Variants in ASAH2 observed in about 807,000 individuals in gnomAD.
ASAH2 encodes the protein neutral ceramidase.
A neutral mutation model predicts 82.9 loss-of-function variants in ASAH2; 58 were observed. The observed-to-expected ratio is 0.70, with a 90% CI of 0.57 to 0.87. The LOEUF (loss-of-function observed/expected upper bound fraction) is 0.87, where lower values mean the gene tolerates loss of function less well. Ranked by LOEUF, ASAH2 falls within the 40% of genes least tolerant of loss-of-function variation. The pLI is 0.00. For synonymous variants in ASAH2, 276 were observed against 289.7 expected (o/e 0.95, Z 0.48); for missense variants, 779 against 834.0 (o/e 0.93, Z 0.81).
intron 12 of ASAH2, among the ~76,000 whole-genome samples, chr10:50,208,735 C>T (rs1845376533): frequency 6.6e-6 from 1 of 151,988 alleles, no homozygotes; most frequent in Non-Finnish European, 1.5e-5. Context: ...GCAATACTCC[C>T]CCAAATTAAT....
chr10:50,244,684 A>G (rs941003498), intron 3 of ASAH2, among the ~76,000 whole-genome samples: 2 of 152,226 alleles, frequency 1.3e-5, no homozygotes, highest in Non-Finnish European at 2.9e-5. Flanking sequence ...AGTTTTAGCT[A>G]GAGTTGCCTT....
At chr10:50,231,749 T>C (rs1402957874) in intron 7 of ASAH2, among the ~76,000 whole-genome samples, 1 of 152,192 alleles carries the variant, frequency 6.6e-6, no homozygotes, top group Non-Finnish European at 1.5e-5. Flanking sequence ...AGGGAGTTTT[T>C]AGTGACTTCA....
intron 8 of ASAH2, 130 bp downstream of exon 8, chr10:50,218,380 T>C (rs1845663875): frequency 1.5e-6 from 2 of 1,312,754 alleles, no homozygotes; most frequent in African/African-American, 2.9e-5. Context: ...TGCTGTCTAT[T>C]CAAGCATACC....
chr10:50,185,359 G>A lies in ASAH2; in HGVS notation c.*1956C>T, dbSNP rs1372490618. 6.0e-5 allele frequency: 8 copies of A among 132,344 alleles called. No homozygotes were observed. Among genetic ancestry groups the A allele is most frequent in the Non-Finnish European group, 9.6e-5 (6 of 62,218 alleles). The allele number at this position is 132,344 out of a possible 1,614,324, so 8.2% of individuals were successfully genotyped here. On this transcript the variant is annotated 3_prime_UTR_variant, in exon 21 of 21. Transcript: ENST00000682911. Reference sequence around the variant, plus strand: ...CTGGTGAGAAAATAGGTTTCTGTGCGTTATCTGGAGCCAAGAGTGCTAGGT... The same window carrying A: ...CTGGTGAGAAAATAGGTTTCTGTGCATTATCTGGAGCCAAGAGTGCTAGGT...
chr10:50,217,272 G>T (rs1213754294), intron 8 of ASAH2, among the ~76,000 whole-genome samples: 4 of 142,608 alleles, frequency 2.8e-5, no homozygotes, highest in African/African-American at 1.0e-4. Flanking sequence ...CTGTCCCCCA[G>T]GCTGGAGTGC....
rs943927456 is a variant in ASAH2, at chr10:50,204,931, G to C, written c.1555C>G (p.Pro519Ala). ...ATAATCTGAACATCAACAATGTCTG[G>C]ATGCCAGGGGTGAGGTTTTGATAGC... ...GELSKPHPWHPDIVDVQIITL... is the reference protein window; with the variant it reads ...GELSKPHPWHADIVDVQIITL... The change falls in exon 14 of 21, where the codon CCA becomes GCA. Residue 519 changes from proline (P) to alanine (A), a missense_variant. Pro to Ala is a conservative substitution (Grantham distance 27). Coordinates refer to ENST00000682911, the MANE Select transcript of ASAH2 (RefSeq NM_019893.4). The C allele has an allele frequency of 6.2e-7, 1 of 1,610,916 alleles. No individual in the cohort carries two copies. Among genetic ancestry groups the C allele is most frequent in the Non-Finnish European group, 8.5e-7 (1 of 1,178,522 alleles).
chr10:50,243,666 AAC>A (rs1846368418), intron 3 of ASAH2, among the ~76,000 whole-genome samples: 1 of 152,190 alleles, frequency 6.6e-6, no homozygotes, highest in African/African-American at 2.4e-5. Context: ...TTCTGTTACT[AAC>A]ACTAACACGA....
intron 4 of ASAH2, chr10:50,240,502 T>C (rs1846266582): frequency 1.4e-6 from 1 of 702,236 alleles, no homozygotes; most frequent in Non-Finnish European, 2.6e-6. Flanking sequence ...TAAAACAAAA[T>C]GGTGTTTACA....
intron 7 of ASAH2, among the ~76,000 whole-genome samples, chr10:50,219,008 C>T (rs71498258): frequency 0.067 from 10,127 of 152,248 alleles, 400 homozygotes; most frequent in Middle Eastern, 0.13. Context: ...CTAAGGGTTA[C>T]CTGTATGCTA....
At position 50,221,997 on chromosome 10, in the gene ASAH2, C is replaced by T. The variant is rs1435512749; in HGVS notation, c.894-3367G>A. ...CGAGTACTCCTAGCAGAGGAAATAA[C>T]ATCTGCAAAGGCATGGAGATATGAA... On this transcript the variant is annotated intron_variant, in intron 7 of 20. Transcript: ENST00000682911. Among the ~76,000 whole-genome samples, 12 of 152,256 alleles carry T rather than the reference C, an allele frequency of 7.9e-5. No homozygotes were observed. In the East Asian group the frequency reaches 1.5e-3, roughly 20 times the overall value.
intron 9 of ASAH2, among the ~76,000 whole-genome samples, chr10:50,213,442 C>T (rs897157197): frequency 6.6e-6 from 1 of 151,874 alleles, no homozygotes; most frequent in Non-Finnish European, 1.5e-5. Context: ...AACTGAAACT[C>T]GATTAAAATT....
chr10:50,221,627 T>TTG (rs1364076496), intron 7 of ASAH2, among the ~76,000 whole-genome samples: 94,327 of 144,552 alleles, frequency 0.65, 34,066 homozygotes, highest in Non-Finnish European at 0.82. Flanking sequence ...TGAATTCAGG[T>TTG]TGTATGTGTG....
chr10:50,236,000 C>A lies in ASAH2; in HGVS notation c.575G>T (p.Gly192Val). 9 of 1,612,620 alleles carry A rather than the reference C, an allele frequency of 5.6e-6. No individual in the cohort carries two copies. Among genetic ancestry groups the A allele is most frequent in the Non-Finnish European group, 7.6e-6 (9 of 1,178,856 alleles). ...LYRRDNVILS[G>V]THTHSGPAGY... ...TGCAGGACCTGAATGAGTGTGAGTG[C>A]CACTCAGGATGACATTATCTCTTCT... The change falls in exon 5 of 21, where the codon GGC becomes GTC. Residue 192 changes from glycine (G) to valine (V), a missense_variant. Around this residue, in one of 3 missense-constraint regions of ASAH2, gnomAD observed 759 missense variants for 755.2 expected, o/e 1.00. Transcript: ENST00000682911.
At chr10:50,240,184 T>C (rs1182422022) in intron 4 of ASAH2, among the ~76,000 whole-genome samples, 1 of 152,092 alleles carries the variant, frequency 6.6e-6, no homozygotes, top group African/African-American at 2.4e-5. Context: ...ATCACATTGG[T>C]TTAAGATCTT....
At chr10:50,213,434 C>T (rs879157685) in intron 9 of ASAH2, among the ~76,000 whole-genome samples, 114,727 of 151,912 alleles carry the variant, frequency 0.76, 45,566 homozygotes, top group Non-Finnish European at 0.88. Flanking sequence ...TCACCTTAAA[C>T]TGAAACTCGA....
At chr10:50,233,308 A>C in intron 6 of ASAH2, 47 bp from the exon 7 acceptor site, 1 of 1,369,598 alleles carries the variant, frequency 7.3e-7, no homozygotes, top group Non-Finnish European at 1.0e-6. Context: ...GTTAGAGCCT[A>C]ACCCTCATGT....
At chr10:50,207,106 A>T (rs1355834597) in intron 12 of ASAH2, among the ~76,000 whole-genome samples, 4 of 151,960 alleles carry the variant, frequency 2.6e-5, no homozygotes, top group African/African-American at 9.7e-5. Context: ...TCAAAGGAAA[A>T]TCTGGAAATA....
At chr10:50,210,200 A>C (rs1845413785) in intron 12 of ASAH2, among the ~76,000 whole-genome samples, 2 of 152,246 alleles carry the variant, frequency 1.3e-5, no homozygotes, top group African/African-American at 4.8e-5. Context: ...AATATTATTC[A>C]ACCATAAAAA....
intron 4 of ASAH2, among the ~76,000 whole-genome samples, chr10:50,240,351 T>G (rs1222463512): frequency 2.0e-5 from 3 of 152,212 alleles, no homozygotes; most frequent in African/African-American, 7.2e-5. Context: ...AAATACCTAG[T>G]ATGATGATTA....
Sources: allele counts gnomAD v4.1 joint callset (sites outside exome capture counted in the v4.1 genomes callset), GRCh38; gene constraint gnomAD v4.1.1; regional missense constraint gnomAD v4.1.1; transcripts MANE v1.5; gene names NCBI Gene and HGNC (gene_info 2026-07-23, HGNC 2026-07-21).